The following DPYD variants were observed in gnomAD, a reference collection of about 807,000 sequenced individuals.
The protein encoded by DPYD is dihydropyrimidine dehydrogenase.
In DPYD, 109 loss-of-function variants were observed where a neutral mutation model predicts 116.2. The ratio of observed to expected loss-of-function variants is 0.94; its 90% CI spans 0.80 to 1.10. DPYD has a LOEUF of 1.10. Among genes scored for constraint, DPYD ranks in the 50% least tolerant of loss-of-function variants. The pLI is 0.00. For missense variants in DPYD, 1,302 were observed against 1,254.5 expected, an observed-to-expected ratio of 1.04 and a Z score of -0.57; for synonymous variants, 440 against 432.0, an observed-to-expected ratio of 1.02 and a Z score of -0.23.
chr1:97,117,244 A>G (rs1282708633), intron 20 of DPYD, among the ~76,000 whole-genome samples: 1 of 152,148 alleles, frequency 6.6e-6, no homozygotes, highest in African/African-American at 2.4e-5. Flanking sequence ...TCCAAAATAA[A>G]ATCTTTATTG....
In DPYD at chr1:97,895,809, T is replaced by C. The variant is rs367749381; in HGVS notation, c.40-12435A>G. On this transcript the variant is annotated intron_variant, in intron 1 of 22. Coordinates refer to ENST00000370192, the MANE Select transcript of DPYD (RefSeq NM_000110.4). ...AGTAATATTTTGTATTCTTAATTAA[T>C]ACACTTTGTTTCAATGCCTAGAGAG... Among the ~76,000 whole-genome samples the C allele has an allele frequency of 1.7e-3, 251 of 151,884 alleles. 1 individual carries two copies. The highest frequency in any genetic ancestry group is 5.1e-3 in the African/African-American group (213 of 41,530).
intron 11 of DPYD, among the ~76,000 whole-genome samples, chr1:97,570,092 G>A (rs561774075): frequency 6.6e-6 from 1 of 151,832 alleles, no homozygotes; most frequent in Non-Finnish European, 1.5e-5. Context: ...GATATATTAG[G>A]TGTATAACAC....
intron 3 of DPYD, among the ~76,000 whole-genome samples, chr1:97,792,058 G>T (rs1667347020): frequency 3.3e-5 from 5 of 150,504 alleles, no homozygotes; most frequent in Admixed American, 6.6e-5. Context: ...TGTTCTAAGA[G>T]AACCTTTCAC....
chr1:97,399,310 C>G (rs1357060540), intron 14 of DPYD, among the ~76,000 whole-genome samples: 1 of 152,090 alleles, frequency 6.6e-6, no homozygotes, highest in Non-Finnish European at 1.5e-5. Flanking sequence ...GTCTATATCT[C>G]TTTTGTGGTA....
At chr1:97,415,742 C>T (rs1481490981) in intron 14 of DPYD, among the ~76,000 whole-genome samples, 1 of 152,192 alleles carries the variant, frequency 6.6e-6, no homozygotes, top group East Asian at 1.9e-4. Flanking sequence ...GACATTTCTG[C>T]TGCATCATCC....
chr1:97,664,606 C>G (rs916077532), intron 8 of DPYD, among the ~76,000 whole-genome samples: 8 of 151,958 alleles, frequency 5.3e-5, no homozygotes, highest in Admixed American at 1.3e-4. Context: ...TTCTTAGTCA[C>G]TGCCTTATTT....
intron 18 of DPYD, among the ~76,000 whole-genome samples, chr1:97,275,315 A>T (rs892596452): frequency 3.3e-5 from 5 of 152,184 alleles, no homozygotes; most frequent in Non-Finnish European, 7.3e-5. Flanking sequence ...GTAAGAAGTG[A>T]TCACTCCCCC....
intron 21 of DPYD, among the ~76,000 whole-genome samples, chr1:97,087,127 T>C (rs1649573762): frequency 6.6e-6 from 1 of 152,184 alleles, no homozygotes; most frequent in Non-Finnish European, 1.5e-5. Context: ...TAGGATTCCT[T>C]TGGGGTTAGA....
intron 11 of DPYD, among the ~76,000 whole-genome samples, chr1:97,558,035 A>C (rs1651872514): frequency 6.6e-6 from 1 of 152,172 alleles, no homozygotes; most frequent in African/African-American, 2.4e-5. Context: ...TAGACTCTCC[A>C]CAGTCTCATA....
chr1:97,629,918 A>G (rs1657153431), intron 8 of DPYD, among the ~76,000 whole-genome samples: 1 of 152,084 alleles, frequency 6.6e-6, no homozygotes, highest in South Asian at 2.1e-4. Context: ...ACCCATTTCT[A>G]AAATATCATA....
chr1:97,656,384 C>G (rs1183443846), intron 8 of DPYD, among the ~76,000 whole-genome samples: 1 of 152,056 alleles, frequency 6.6e-6, no homozygotes, highest in Non-Finnish European at 1.5e-5. Context: ...AGGGGTCTAG[C>G]TACTTTTTTT....
chr1:97,811,854 T>A (rs892520664), intron 3 of DPYD, among the ~76,000 whole-genome samples: 2 of 149,734 alleles, frequency 1.3e-5, no homozygotes, highest in Non-Finnish European at 3.0e-5. Flanking sequence ...CAATCACAGA[T>A]AAAGAGTCTG....
intron 2 of DPYD, among the ~76,000 whole-genome samples, chr1:97,870,826 T>C (rs1250793931): frequency 6.6e-6 from 1 of 151,828 alleles, no homozygotes; most frequent in Admixed American, 6.6e-5. Context: ...TGAATAGGAC[T>C]GTGATTAAAA....
chr1:97,228,394 T>C (rs540055957), intron 19 of DPYD, among the ~76,000 whole-genome samples: 88 of 152,280 alleles, frequency 5.8e-4, no homozygotes, highest in Non-Finnish European at 7.8e-4. Flanking sequence ...CATAGATTCA[T>C]TTGGAACAGA....
chr1:97,235,299 TGGA>T (rs1314912094), intron 18 of DPYD, among the ~76,000 whole-genome samples: 1 of 152,208 alleles, frequency 6.6e-6, no homozygotes, highest in Admixed American at 6.5e-5. Context: ...ATATTACAAT[TGGA>T]TATACAGTAA....
At chr1:97,891,666 T>A (rs1672783493) in intron 1 of DPYD, among the ~76,000 whole-genome samples, 1 of 151,874 alleles carries the variant, frequency 6.6e-6, no homozygotes, top group Non-Finnish European at 1.5e-5. Context: ...TTGATTACAA[T>A]CACAGGCCCT....
At chr1:97,172,996 T>C (rs1010074462) in intron 20 of DPYD, among the ~76,000 whole-genome samples, 6 of 152,090 alleles carry the variant, frequency 3.9e-5, no homozygotes, top group African/African-American at 1.4e-4. Flanking sequence ...ATAACTCCGA[T>C]AGCATAATAG....
At chr1:97,288,939 G>C (rs1249122286) in intron 18 of DPYD, among the ~76,000 whole-genome samples, 1 of 151,676 alleles carries the variant, frequency 6.6e-6, no homozygotes. Flanking sequence ...TAGACTGCTA[G>C]CAAGACTAAT....
intron 14 of DPYD, among the ~76,000 whole-genome samples, chr1:97,399,185 A>G (rs1673201201): frequency 6.6e-6 from 1 of 152,168 alleles, no homozygotes; most frequent in Non-Finnish European, 1.5e-5. Context: ...TTTTCCCAGC[A>G]CCATGTATTA....
Sources: gnomAD v4.1 joint callset for allele counts (sites outside exome capture counted in the v4.1 genomes callset) on GRCh38, gnomAD v4.1.1 for gene constraint, MANE v1.5 for transcripts, NCBI Gene and HGNC (gene_info 2026-07-23, HGNC 2026-07-21) for gene names.